Variants in MYOM2 observed in about 807,000 individuals in gnomAD.
MYOM2 encodes myomesin-2.
Under a neutral mutation model 187.6 loss-of-function variants are expected in MYOM2, and 254 were observed. The ratio of observed to expected loss-of-function variants is 1.35; its 90% CI spans 1.22 to 1.50. MYOM2 has a LOEUF of 1.50. MYOM2 is among the 40% of genes most tolerant of loss of function. MYOM2 has a pLI of 0.00. For missense variants in MYOM2, 2,796 were observed against 1,924.0 expected, an observed-to-expected ratio of 1.45 and a Z score of -8.48; for synonymous variants, 981 against 753.8, an observed-to-expected ratio of 1.30 and a Z score of -4.94.
rs202106832 is a variant in MYOM2, at chr8:2,072,357, C to T, written c.806C>T (p.Ser269Leu). The T allele has an allele frequency of 1.8e-4, 289 of 1,613,880 alleles. 1 individual carries two copies. The highest frequency in any genetic ancestry group is 3.1e-5 in the Non-Finnish European group (36 of 1,179,976). Residue 269 changes from serine (S) to leucine (L), a missense_variant, in exon 9 of 37, where the codon TCG becomes TTG. Ser to Leu is a moderately radical substitution (Grantham distance 145). Transcript: ENST00000262113. ...CGTTTCTGTGCAGTGCCCCTGTCATCGATGATTCCGTACACGCACTTCGAC... is the reference window on the plus strand; with the variant it reads ...CGTTTCTGTGCAGTGCCCCTGTCATTGATGATTCCGTACACGCACTTCGAC... ...VGLPIGLPLS[S>L]MIPYTHFDVQ... is the part of the protein sequence containing the mutation.
intron 32 of MYOM2, among the ~76,000 whole-genome samples, chr8:2,139,146 A>G (rs1351785344): frequency 2.6e-5 from 4 of 151,866 alleles, no homozygotes; most frequent in Non-Finnish European, 4.4e-5. Flanking sequence ...TTATTTTTAC[A>G]TATATACTTT....
rs372481778 is a variant in MYOM2 at position 2,052,172 on chromosome 8, A to G, written c.122A>G (p.Gln41Arg). 3.0e-5 allele frequency: 48 copies of G among 1,613,358 alleles called. No homozygotes were observed. The highest frequency in any genetic ancestry group is 3.9e-5 in the Non-Finnish European group (46 of 1,179,752). ...TGTTCCTGAAGGCGAGCTTCCACCC[A>G]GGCATCTTCCCAGAAGTCCTTGAGT... ...EYASKKRAST[Q>R]ASSQKSLSQR... Residue 41 changes from glutamine (Q) to arginine (R), a missense_variant, in exon 3 of 37, where the codon CAG becomes CGG. By Grantham distance (43) the Gln-to-Arg change is conservative. Transcript: ENST00000262113.
chr8:2,079,623 A>G lies in MYOM2; in HGVS notation c.1516+10A>G, dbSNP rs758426072. On this transcript the variant is annotated intron_variant, in intron 13 of 36. Coordinates refer to ENST00000262113, the MANE Select transcript of MYOM2 (RefSeq NM_003970.4). ...CAGGATGACCTTGAAGGTAAGTAGC[A>G]CCTCATCACCCCAGCTGCTCAGCCC... is the stretch of plus-strand genomic sequence containing the variant. The G allele has an allele frequency of 8.7e-6, 14 of 1,613,666 alleles. No individual in the cohort carries two copies. The South Asian group carries it at 1.2e-4, about 14-fold the overall frequency.
intron 6 of MYOM2, among the ~76,000 whole-genome samples, chr8:2,059,454 C>G (rs997300218): frequency 2.6e-5 from 4 of 152,078 alleles, no homozygotes; most frequent in African/African-American, 9.7e-5. Context: ...AATGCAAACT[C>G]TGGGAATAAA....
intron 6 of MYOM2, 26 bp from the exon 7 acceptor site, chr8:2,069,252 C>T: frequency 6.3e-7 from 1 of 1,599,430 alleles, no homozygotes; most frequent in Non-Finnish European, 8.5e-7. Context: ...GTCCCGCAGA[C>T]TTTCTCTTGT....
At chr8:2,062,961 A>G (rs1475700187) in intron 6 of MYOM2, among the ~76,000 whole-genome samples, 1 of 152,236 alleles carries the variant, frequency 6.6e-6, no homozygotes, top group Non-Finnish European at 1.5e-5. Context: ...AATTTGTGAG[A>G]TAAAGTCGTT....
intron 6 of MYOM2, among the ~76,000 whole-genome samples, chr8:2,065,406 T>C (rs1818985207): frequency 6.6e-6 from 1 of 152,064 alleles, no homozygotes; most frequent in African/African-American, 2.4e-5. Context: ...CTGTCTCTAC[T>C]AAAAATACAA....
At chr8:2,108,870 C>G in intron 24 of MYOM2, 40 bp downstream of exon 24, 2 of 1,604,212 alleles carry the variant, frequency 1.2e-6, no homozygotes, top group Non-Finnish European at 1.7e-6. Context: ...CTTGCAGCTG[C>G]TGGCTGGAGG....
chr8:2,135,449 G>C (rs537639117), intron 32 of MYOM2, among the ~76,000 whole-genome samples: 1 of 152,168 alleles, frequency 6.6e-6, no homozygotes, highest in Non-Finnish European at 1.5e-5. Context: ...GTGAAAGGCA[G>C]TGTGGTTGTA....
rs577405969 is a variant in MYOM2 at position 2,073,532 on chromosome 8, C to G, written c.1120+32C>G. 1.7e-5 allele frequency: 27 copies of G among 1,558,706 alleles called. No homozygotes were observed. The Admixed American group carries it at 4.8e-4, about 28-fold the overall frequency. On this transcript the variant is annotated intron_variant, in intron 10 of 36. Coordinates refer to ENST00000262113, the MANE Select transcript of MYOM2 (RefSeq NM_003970.4). ...GCAGCAGGGTTCTCAGGGTGCAGAC[C>G]TTGTGTGTGCCCGGGGAGGGGAGGC...
chr8:2,086,523 C>T (rs1796079490), intron 14 of MYOM2, among the ~76,000 whole-genome samples: 1 of 145,890 alleles, frequency 6.9e-6, no homozygotes, highest in Non-Finnish European at 1.5e-5. Flanking sequence ...TGCGTGGCCC[C>T]ACACTGTCGT....
chr8:2,086,119 T>G (rs78240209), intron 14 of MYOM2, among the ~76,000 whole-genome samples: 29 of 344 alleles, frequency 0.084, 1 homozygote, highest in Admixed American at 0.17. Context: ...TGTGATCTCT[T>G]TGTGGCCCCC....
chr8:2,101,705 C>T (rs1043523342), intron 20 of MYOM2, among the ~76,000 whole-genome samples: 2 of 152,084 alleles, frequency 1.3e-5, no homozygotes, highest in African/African-American at 4.8e-5. Flanking sequence ...TGTCTGTGTG[C>T]TTTCCAAAGG....
At chr8:2,092,592 T>G in intron 16 of MYOM2, 72 bp downstream of exon 16, 1 of 1,479,638 alleles carries the variant, frequency 6.8e-7, no homozygotes, top group Non-Finnish European at 9.2e-7. Context: ...CCTGTGGCCC[T>G]GGCACAGGGA....
chr8:2,143,792 G>T (rs1365143417), intron 36 of MYOM2, among the ~76,000 whole-genome samples: 1 of 152,212 alleles, frequency 6.6e-6, no homozygotes, highest in Non-Finnish European at 1.5e-5. Flanking sequence ...ACTGCAGGAT[G>T]AGGCAGCCAC....
At chr8:2,077,224 C>G (rs1466817799) in intron 11 of MYOM2, among the ~76,000 whole-genome samples, 1 of 152,020 alleles carries the variant, frequency 6.6e-6, no homozygotes, top group African/African-American at 2.4e-5. Context: ...GCAGGAGCAT[C>G]TCTTGAACCA....
chr8:2,069,970 C>T (rs1371810153), intron 8 of MYOM2, among the ~76,000 whole-genome samples: 1 of 152,070 alleles, frequency 6.6e-6, no homozygotes, highest in Non-Finnish European at 1.5e-5. Flanking sequence ...GACTTCAGGT[C>T]AAAACAAGGG....
chr8:2,126,432 C>T (rs1452616899), intron 31 of MYOM2, among the ~76,000 whole-genome samples: 3 of 145,030 alleles, frequency 2.1e-5, no homozygotes, highest in Non-Finnish European at 4.5e-5. Context: ...GACATACACA[C>T]ACACTGACAC....
chr8:2,133,262 G>C (rs1007880456), intron 32 of MYOM2, among the ~76,000 whole-genome samples: 2 of 152,198 alleles, frequency 1.3e-5, no homozygotes. Flanking sequence ...CTCCAGCCTA[G>C]AAGCAAATAT....
Sources: gnomAD v4.1 joint callset for allele counts (sites outside exome capture counted in the v4.1 genomes callset) on GRCh38, gnomAD v4.1.1 for gene constraint, MANE v1.5 for transcripts, NCBI Gene and HGNC (gene_info 2026-07-23, HGNC 2026-07-21) for gene names.